Variants in PRPF31 observed in about 807,000 individuals in gnomAD.
PRPF31 encodes U4/U6 small nuclear ribonucleoprotein Prp31.
In PRPF31, 12 loss-of-function variants were observed where a neutral mutation model predicts 60.4. The observed-to-expected ratio is 0.20, with a 90% confidence interval of 0.13 to 0.32. The LOEUF (loss-of-function observed/expected upper bound fraction) is 0.32, where lower values mean the gene tolerates loss of function less well. Among genes scored for constraint, PRPF31 ranks in the 10% least tolerant of loss-of-function variants. PRPF31 has a pLI of 1.00. For synonymous variants in PRPF31, 287 were observed against 287.9 expected (o/e 1.00, Z 0.03); for missense variants, 431 against 687.1 (o/e 0.63, Z 4.17).
chr19:54,122,436 G>A, intron 4 of PRPF31, 61 bp from the exon 5 acceptor site: 2 of 1,306,534 alleles, frequency 1.5e-6, no homozygotes, highest in African/African-American at 1.5e-5. Context: ...TGGGTGTTAG[G>A]GCCAACCAGC....
At chr19:54,125,600 G>T (rs948219365) in intron 8 of PRPF31, among the ~76,000 whole-genome samples, 1 of 152,116 alleles carries the variant, frequency 6.6e-6, no homozygotes, top group East Asian at 1.9e-4. Context: ...ACGGCCCTGT[G>T]CCCTGCCTGG....
chr19:54,118,232 C>T (rs755809882), intron 1 of PRPF31, 39 bp from the exon 2 acceptor site: 23 of 1,611,792 alleles, frequency 1.4e-5, no homozygotes, highest in Admixed American at 3.3e-5. Flanking sequence ...GGGACTTTGT[C>T]GGGGCAAGTT....
chr19:54,123,006 C>A, intron 5 of PRPF31: 1 of 447,006 alleles, frequency 2.2e-6, no homozygotes, highest in Non-Finnish European at 4.2e-6. Flanking sequence ...CACGTCCAGC[C>A]TTTGGGTCTT....
chr19:54,118,665 C>A (rs776177331), intron 3 of PRPF31, 32 bp downstream of exon 3: 2 of 1,608,436 alleles, frequency 1.2e-6, no homozygotes, highest in Non-Finnish European at 1.7e-6. Context: ...CCCTCCCCAT[C>A]TCCTGTCTCT....
chr19:54,123,618 C>CTACACACGCAGGTG, intron 6 of PRPF31, 58 bp downstream of exon 6: 1 of 1,607,456 alleles, frequency 6.2e-7, no homozygotes, highest in East Asian at 2.2e-5. Flanking sequence ...TAGGCTGGAG[C>CTACACACGCAGGTG]TACACACGCA....
intron 1 of PRPF31, among the ~76,000 whole-genome samples, chr19:54,117,267 G>C (rs929063432): frequency 3.3e-5 from 5 of 152,170 alleles, no homozygotes; most frequent in African/African-American, 1.2e-4. Flanking sequence ...CAGCTTTACT[G>C]ATCAAATGCT....
rs1414637924 is a variant in PRPF31 at position 54,124,992 on chromosome 19, G to C, written c.855+336G>C. On this transcript the variant is annotated intron_variant, in intron 8 of 13. Coordinates refer to ENST00000321030, the MANE Select transcript of PRPF31 (RefSeq NM_015629.4). Reference sequence around the variant, plus strand: ...CCTAGCTCACGACAAGCAGCGTCGGGTTAGCGTGCAACTGCTCCGAAGACC... The same window carrying C: ...CCTAGCTCACGACAAGCAGCGTCGGCTTAGCGTGCAACTGCTCCGAAGACC... 4 of 474,274 alleles carry C rather than the reference G, an allele frequency of 8.4e-6. No homozygotes were observed. In the East Asian group the frequency reaches 1.6e-4, roughly 19 times the overall value. The allele number at this position is 474,274 out of a possible 1,614,324, so 29.4% of individuals were successfully genotyped here.
chr19:54,122,187 G>A, intron 4 of PRPF31: 1 of 630,152 alleles, frequency 1.6e-6, no homozygotes, highest in East Asian at 2.7e-5. Context: ...CATCCTGTTG[G>A]TCGGCCACCT....
At chr19:54,130,688 CAG>C (rs1430040915) in intron 13 of PRPF31, among the ~76,000 whole-genome samples, 1 of 151,752 alleles carries the variant, frequency 6.6e-6, no homozygotes, top group Non-Finnish European at 1.5e-5. Context: ...GGAGGTGGGA[CAG>C]GGGAGGCTCT....
chr19:54,124,940 G>C, intron 8 of PRPF31: 1 of 571,526 alleles, frequency 1.7e-6, no homozygotes, highest in Non-Finnish European at 3.1e-6. Context: ...CGAGGGCTCA[G>C]TGCACATGAA....
Position 54,131,288 on chromosome 19 carries a change from C to A in PRPF31, c.1375-19C>A. On this transcript the variant is annotated intron_variant, in intron 13 of 13. Transcript: ENST00000321030. ...TTCTCCTCACCTAACCCATCATCCT[C>A]TCTCCCTCACCTGCCCAGGGCCTGG... 6.2e-7 allele frequency: 1 copy of A among 1,613,690 alleles called. No individual in the cohort carries two copies. Among genetic ancestry groups the A allele is most frequent in the Non-Finnish European group, 8.5e-7 (1 of 1,179,932 alleles).
chr19:54,115,784 C>G lies in PRPF31; in HGVS notation c.-22C>G, dbSNP rs897876336. The G allele has an allele frequency of 2.5e-5, 6 of 242,890 alleles. No homozygotes were observed. The highest frequency in any genetic ancestry group is 1.1e-4 in the Admixed American group (2 of 19,018). The allele number at this position is 242,890 out of a possible 1,614,324, so 15.0% of individuals were successfully genotyped here. On this transcript the variant is annotated 5_prime_UTR_variant, in exon 1 of 14. Transcript: ENST00000321030. The stretch of plus-strand genomic sequence containing the variant: ...GCGACTAACGCTAGAAACAGTGGTG[C>G]GCGGAGAGGAGAGGTGAGTGTGATG...
chr19:54,129,745 G>A (rs587602367), intron 13 of PRPF31, among the ~76,000 whole-genome samples: 27 of 149,340 alleles, frequency 1.8e-4, no homozygotes, highest in Non-Finnish European at 2.2e-4. Context: ...CCGGCTAGGC[G>A]GGCTTGGATG....
At chr19:54,129,409 C>G in intron 13 of PRPF31, 39 bp downstream of exon 13, 1 of 1,554,278 alleles carries the variant, frequency 6.4e-7, no homozygotes, top group Non-Finnish European at 8.7e-7. Context: ...AGCCCTGAGA[C>G]CTTGGCAAGG....
intron 4 of PRPF31, 72 bp from the exon 5 acceptor site, chr19:54,122,425 A>T: frequency 9.0e-7 from 1 of 1,105,142 alleles, no homozygotes. Flanking sequence ...AGAAGGGGAC[A>T]TGGGTGTTAG....
chr19:54,131,511 C>A lies in PRPF31; in HGVS notation c.*79C>A. 1 of 1,561,048 alleles carries A rather than the reference C, an allele frequency of 6.4e-7. No individual in the cohort carries two copies. ...CCTTCTGAAGGGCTAGGATCGGGTT[C>A]TGGCAGGGAGAACCTGCCCTGCCAC... On this transcript the variant is annotated 3_prime_UTR_variant, in exon 14 of 14. Transcript: ENST00000321030.
intron 13 of PRPF31, 61 bp downstream of exon 13, chr19:54,129,431 C>T (rs2074002393): frequency 6.6e-7 from 1 of 1,521,296 alleles, no homozygotes; most frequent in Non-Finnish European, 8.9e-7. Context: ...CCCTTGCCCT[C>T]TGCCCCTGTG....
intron 1 of PRPF31, among the ~76,000 whole-genome samples, chr19:54,116,729 G>A (rs2146385383): frequency 6.6e-6 from 1 of 152,398 alleles, no homozygotes; most frequent in South Asian, 2.1e-4. Context: ...ACCTCCTGTA[G>A]TCTAGAGTGG....
rs369448809 is a variant in PRPF31, at chr19:54,123,591, C to G, written c.527+31C>G. Reference sequence around the variant, plus strand: ...TCCGCTTCGAGGGAGGCGCCGGGCCCTAATGGGATTGGGGATTAGGCTGGA... The same window carrying G: ...TCCGCTTCGAGGGAGGCGCCGGGCCGTAATGGGATTGGGGATTAGGCTGGA... On this transcript the variant is annotated intron_variant, in intron 6 of 13. Transcript: ENST00000321030. 331 of 1,611,528 alleles carry G rather than the reference C, an allele frequency of 2.1e-4. 2 individuals are homozygous for G. The East Asian group carries it at 3.1e-3, about 15-fold the overall frequency.
Sources: allele counts gnomAD v4.1 joint callset (sites outside exome capture counted in the v4.1 genomes callset), GRCh38; gene constraint gnomAD v4.1.1; transcripts MANE v1.5; gene names NCBI Gene and HGNC (gene_info 2026-07-23, HGNC 2026-07-21).